Variants in ABCA13 observed in about 807,000 individuals in gnomAD.
The protein encoded by ABCA13 is ATP-binding cassette sub-family A member 13.
A neutral mutation model predicts 478.7 loss-of-function variants in ABCA13; 476 were observed. The ratio of observed to expected loss-of-function variants is 0.99; its 90% CI spans 0.92 to 1.07. The LOEUF (loss-of-function observed/expected upper bound fraction) is 1.07. ABCA13 is among the 50% of genes least tolerant of loss of function. The probability of loss-of-function intolerance (pLI) is 0.00; values close to 1 mark genes in which losing one functional copy is unlikely to be tolerated. For missense variants in ABCA13, 6,060 were observed against 5,910.6 expected (o/e 1.03, Z -0.83); for synonymous variants, 2,252 against 2,158.9 (o/e 1.04, Z -1.20).
At chr7:48,347,147 C>T (rs1328116254) in intron 29 of ABCA13, among the ~76,000 whole-genome samples, 1 of 152,190 alleles carries the variant, frequency 6.6e-6, no homozygotes, top group Non-Finnish European at 1.5e-5. Flanking sequence ...TACCTCAATA[C>T]TTCTAGCAGG....
intron 59 of ABCA13, among the ~76,000 whole-genome samples, chr7:48,618,104 A>G (rs544630756): frequency 1.6e-4 from 25 of 152,054 alleles, no homozygotes; most frequent in Admixed American, 3.3e-4. Flanking sequence ...AGTTCATCCC[A>G]CCTTCCTGAG....
chr7:48,219,270 A>G (rs1013659952), intron 3 of ABCA13, 84 bp from the exon 4 acceptor site: 11 of 1,435,468 alleles, frequency 7.7e-6, no homozygotes, highest in Non-Finnish European at 9.3e-6. Flanking sequence ...ATTGAAAGCA[A>G]TTTGGTATCA....
intron 33 of ABCA13, 100 bp downstream of exon 33, chr7:48,372,597 T>C (rs1216051580): frequency 2.0e-6 from 2 of 986,790 alleles, no homozygotes; most frequent in Non-Finnish European, 2.9e-6. Flanking sequence ...CAATTTGTCA[T>C]GTTCATATCT....
rs1562817337 is a variant in ABCA13, at chr7:48,225,139, T to TGCCTGCCTG, written c.469-2123_469-2122insGCCTGCCTG. Among the ~76,000 whole-genome samples, 139 of 66,106 alleles carry TGCCTGCCTG rather than the reference T, an allele frequency of 2.1e-3. 1 individual carries two copies. The highest frequency in any genetic ancestry group is 7.9e-3 in the Middle Eastern group (1 of 126). The allele number at this position is 66,106 out of a possible 152,430, so 43.4% of individuals were successfully genotyped here. ...TGCCTGCCTGCCTGCCTGCCTGCCT[T>TGCCTGCCTG]CCTTCCTTCCTTCCTTCCTTCCTTC... On this transcript the variant is annotated intron_variant, in intron 5 of 61. Coordinates refer to ENST00000435803, the MANE Select transcript of ABCA13 (RefSeq NM_152701.5).
chr7:48,515,575 A>G (rs1832043411), intron 51 of ABCA13, among the ~76,000 whole-genome samples: 1 of 152,150 alleles, frequency 6.6e-6, no homozygotes, highest in Non-Finnish European at 1.5e-5. Context: ...ATGGAAATGA[A>G]TCCCATGTTC....
chr7:48,512,007 AT>A (rs1300513135), intron 51 of ABCA13, among the ~76,000 whole-genome samples: 2 of 152,100 alleles, frequency 1.3e-5, no homozygotes, highest in Non-Finnish European at 2.9e-5. Context: ...AATATATACC[AT>A]TACTAGATGA....
intron 56 of ABCA13, 42 bp downstream of exon 56, chr7:48,580,416 G>A: frequency 1.3e-6 from 2 of 1,583,022 alleles, no homozygotes; most frequent in Non-Finnish European, 1.7e-6. Context: ...GACCCATTGA[G>A]GAATGCTTGG....
chr7:48,563,909 C>T (rs1019342676), intron 55 of ABCA13, among the ~76,000 whole-genome samples: 2 of 151,704 alleles, frequency 1.3e-5, no homozygotes, highest in African/African-American at 4.8e-5. Flanking sequence ...CTGTGGTTTC[C>T]TCTACAAATA....
At chr7:48,325,482 G>A (rs924691298) in intron 27 of ABCA13, among the ~76,000 whole-genome samples, 2 of 152,034 alleles carry the variant, frequency 1.3e-5, no homozygotes, top group African/African-American at 4.8e-5. Flanking sequence ...ATCAGACGGT[G>A]CTTAAAACTG....
intron 3 of ABCA13, among the ~76,000 whole-genome samples, chr7:48,201,475 A>G (rs1285374701): frequency 6.6e-6 from 1 of 152,146 alleles, no homozygotes; most frequent in Non-Finnish European, 1.5e-5. Flanking sequence ...GCATCCCAGC[A>G]CTTTGGGAGG....
Position 48,350,726 on chromosome 7 carries a change from TG to T in ABCA13, c.10289del (p.Cys3430SerfsTer4), listed in dbSNP as rs771501609. 1.2e-5 allele frequency: 19 copies of T among 1,613,996 alleles called. No individual in the cohort carries two copies. In the South Asian group the frequency reaches 2.0e-4, roughly 17 times the overall value. On this transcript the variant is annotated frameshift_variant, in exon 30 of 62. Coordinates refer to ENST00000435803, the MANE Select transcript of ABCA13 (RefSeq NM_152701.5). LOFTEE classifies it high-confidence loss of function. Reference sequence around the variant, plus strand: ...CAGCATCTTGGTCAATCTCTCTTCCTGCGTGGCACTGAACCGTTTCCAGGCT... The same window carrying T: ...CAGCATCTTGGTCAATCTCTCTTCCTCGTGGCACTGAACCGTTTCCAGGCT... ...LGSILVNLSS[C>X]VALNRFQALQ... is the part of the protein sequence containing the mutation.
At chr7:48,583,019 T>A (rs945809892) in intron 56 of ABCA13, among the ~76,000 whole-genome samples, 2 of 152,132 alleles carry the variant, frequency 1.3e-5, no homozygotes, top group Non-Finnish European at 2.9e-5. Flanking sequence ...TGCTAGGTAG[T>A]TTCAATGTTA....
At chr7:48,195,344 T>C (rs1797785154) in intron 2 of ABCA13, among the ~76,000 whole-genome samples, 1 of 152,160 alleles carries the variant, frequency 6.6e-6, no homozygotes, top group Admixed American at 6.5e-5. Context: ...AATTTGGGAT[T>C]GGTGGAGAGC....
chr7:48,216,613 T>G (rs2128956367), intron 3 of ABCA13, among the ~76,000 whole-genome samples: 2 of 151,992 alleles, frequency 1.3e-5, no homozygotes, highest in South Asian at 4.1e-4. Context: ...ACTTATCTTT[T>G]TCTTTTGTTG....
chr7:48,315,219 A>G (rs751445589), intron 26 of ABCA13, among the ~76,000 whole-genome samples: 2 of 152,188 alleles, frequency 1.3e-5, no homozygotes, highest in African/African-American at 2.4e-5. Context: ...ATCCTAGTGT[A>G]TTCGTTTTCT....
At position 48,219,264 on chromosome 7, in the gene ABCA13, A is replaced by T. The variant is rs1018047299; in HGVS notation, c.288-90A>T. The T allele has an allele frequency of 3.6e-6, 5 of 1,400,468 alleles. No homozygotes were observed. The African/African-American group carries it at 7.4e-5, about 21-fold the overall frequency. The allele number at this position is 1,400,468 out of a possible 1,614,324, so 86.8% of individuals were successfully genotyped here. Reference sequence around the variant, plus strand: ...GTGTAAGTTGGTACAAGTTTAATTGAAAGCAATTTGGTATCAAGAATCTTA... The same window carrying T: ...GTGTAAGTTGGTACAAGTTTAATTGTAAGCAATTTGGTATCAAGAATCTTA... On this transcript the variant is annotated intron_variant, in intron 3 of 61. Transcript: ENST00000435803.
chr7:48,525,441 G>A (rs1276366586), intron 54 of ABCA13, among the ~76,000 whole-genome samples: 1 of 152,068 alleles, frequency 6.6e-6, no homozygotes, highest in African/African-American at 2.4e-5. Flanking sequence ...CTGACAAAAG[G>A]CAGAGTAACA....
At chr7:48,241,204 A>G in intron 10 of ABCA13, 138 bp downstream of exon 10, 1 of 1,101,868 alleles carries the variant, frequency 9.1e-7, no homozygotes, top group Non-Finnish European at 1.3e-6. Context: ...ATGGGAAATC[A>G]GAGGCTTTCA....
chr7:48,515,475 C>T (rs1268331273), intron 51 of ABCA13, among the ~76,000 whole-genome samples: 1 of 152,124 alleles, frequency 6.6e-6, no homozygotes, highest in Non-Finnish European at 1.5e-5. Context: ...TGGGTGGTAT[C>T]TTAGATCCTG....
Sources: gnomAD v4.1 joint callset for allele counts (sites outside exome capture counted in the v4.1 genomes callset) on GRCh38, gnomAD v4.1.1 for gene constraint, MANE v1.5 for transcripts, NCBI Gene and HGNC (gene_info 2026-07-23, HGNC 2026-07-21) for gene names.